TPRG1: variants seen among roughly 807,000 people sequenced by gnomAD.
The protein encoded by TPRG1 is tumor protein p63-regulated gene 1 protein.
A neutral mutation model predicts 29.3 loss-of-function variants in TPRG1; 29 were observed. That is an observed-to-expected ratio of 0.99 (90% CI 0.74 to 1.35). The LOEUF (loss-of-function observed/expected upper bound fraction) is 1.35, where lower values mean the gene tolerates loss of function less well. TPRG1 is among the 40% of genes most tolerant of loss of function. The pLI is 0.00. For missense variants in TPRG1, 327 were observed against 335.0 expected, an observed-to-expected ratio of 0.98 and a Z score of 0.19; for synonymous variants, 130 against 116.8, an observed-to-expected ratio of 1.11 and a Z score of -0.73.
intron 4 of TPRG1, among the ~76,000 whole-genome samples, chr3:189,294,565 C>T (rs551654292): frequency 5.6e-4 from 85 of 152,216 alleles, no homozygotes; most frequent in African/African-American, 1.9e-3. Flanking sequence ...CACTGTGTCC[C>T]CTTTAGAGAG....
At chr3:189,311,284 C>T (rs1031148471) in intron 5 of TPRG1, among the ~76,000 whole-genome samples, 1 of 152,118 alleles carries the variant, frequency 6.6e-6, no homozygotes, top group East Asian at 1.9e-4. Flanking sequence ...GCTTATAGAC[C>T]TAGAAATTCT....
Position 189,324,548 on chromosome 3 carries a change from G to A in TPRG1, c.*3728G>A, listed in dbSNP as rs563231321. On this transcript the variant is annotated 3_prime_UTR_variant, in exon 6 of 6. Transcript: ENST00000345063. The stretch of plus-strand genomic sequence containing the variant: ...GCTAAGGACACTTATAGAGCTCTCC[G>A]ATTTCCTATCTGATAAAAAAAGCCC... The A allele has an allele frequency of 1.4e-4, 21 of 152,202 alleles. No individual in the cohort carries two copies. Among genetic ancestry groups the A allele is most frequent in the South Asian group, 2.1e-4 (1 of 4,822 alleles). 9.4% of individuals were successfully genotyped at this position (152,202 alleles called of 1,614,324 possible). A position where few individuals can be genotyped will look rare whatever the true frequency, so the allele number is the denominator to read the frequency against.
chr3:189,001,239 A>G (rs1712003723), intron 2 of TPRG1, among the ~76,000 whole-genome samples: 1 of 152,200 alleles, frequency 6.6e-6, no homozygotes, highest in African/African-American at 2.4e-5. Context: ...AGCAAGAAAG[A>G]CAAACAACTA....
At chr3:189,193,510 T>G (rs1732043463) in intron 1 of TPRG1, among the ~76,000 whole-genome samples, 1 of 152,138 alleles carries the variant, frequency 6.6e-6, no homozygotes, top group Non-Finnish European at 1.5e-5. Flanking sequence ...TTCCATACAC[T>G]TTCCCTTCTC....
At position 189,300,854 on chromosome 3, in the gene TPRG1, G is replaced by A. The variant is rs114579366; in HGVS notation, c.480-9532G>A. On this transcript the variant is annotated intron_variant, in intron 4 of 5. Coordinates refer to ENST00000345063, the MANE Select transcript of TPRG1 (RefSeq NM_198485.4). ...CTAGTAGAGCTCATGGCTCTTGACCGGAAATCCAGGTCAGAGTTCTATCTC... is the reference window on the plus strand; with the variant it reads ...CTAGTAGAGCTCATGGCTCTTGACCAGAAATCCAGGTCAGAGTTCTATCTC... Among the ~76,000 whole-genome samples, 827 of 152,246 alleles carry A rather than the reference G, an allele frequency of 5.4e-3. 3 individuals are homozygous for A. Among genetic ancestry groups the A allele is most frequent in the Non-Finnish European group, 8.1e-3 (549 of 68,012 alleles).
chr3:189,084,694 A>C (rs1310760275), intron 4 of TPRG1, among the ~76,000 whole-genome samples: 7 of 152,126 alleles, frequency 4.6e-5, no homozygotes, highest in African/African-American at 1.7e-4. Context: ...TCCACCCTCC[A>C]CTTGGAACAC....
chr3:189,152,129 G>A (rs756789901), intron 5 of TPRG1, among the ~76,000 whole-genome samples: 1 of 152,002 alleles, frequency 6.6e-6, no homozygotes, highest in Non-Finnish European at 1.5e-5. Flanking sequence ...CCTTCCATGT[G>A]ACTCAACTAT....
intron 4 of TPRG1, among the ~76,000 whole-genome samples, chr3:189,092,051 C>A (rs1268053074): frequency 6.6e-6 from 1 of 152,138 alleles, no homozygotes; most frequent in Non-Finnish European, 1.5e-5. Flanking sequence ...GTAGTTTTGC[C>A]AGCAGGAGCT....
intron 4 of TPRG1, among the ~76,000 whole-genome samples, chr3:189,148,918 C>T (rs1192168791): frequency 6.6e-6 from 1 of 152,172 alleles, no homozygotes; most frequent in Admixed American, 6.5e-5. Context: ...CTGGAACATG[C>T]GGATGCCTTT....
chr3:189,228,100 A>G (rs4687032), intron 3 of TPRG1, among the ~76,000 whole-genome samples: 48,285 of 152,074 alleles, frequency 0.32, 8,380 homozygotes, highest in South Asian at 0.49. Context: ...CAGCCTGGGC[A>G]ACAGAGCGAG....
chr3:189,018,698 T>C (rs1343752237), intron 3 of TPRG1, among the ~76,000 whole-genome samples: 4 of 151,828 alleles, frequency 2.6e-5, no homozygotes, highest in African/African-American at 9.7e-5. Flanking sequence ...GGCTTAGGAT[T>C]GACTTGGCAT....
intron 3 of TPRG1, among the ~76,000 whole-genome samples, chr3:189,229,467 G>A (rs1001606250): frequency 7.9e-5 from 12 of 152,194 alleles, no homozygotes; most frequent in Admixed American, 2.0e-4. Context: ...AAATGATCTG[G>A]ATGAACAAAA....
At chr3:188,998,432 T>C (rs960547696) in intron 1 of TPRG1, among the ~76,000 whole-genome samples, 8 of 152,180 alleles carry the variant, frequency 5.3e-5, no homozygotes, top group Non-Finnish European at 1.5e-5. Flanking sequence ...GAAACACATA[T>C]GGTATGACTT....
intron 2 of TPRG1, among the ~76,000 whole-genome samples, chr3:189,001,594 A>G (rs745412834): frequency 6.6e-6 from 1 of 152,120 alleles, no homozygotes; most frequent in Admixed American, 6.6e-5. Flanking sequence ...CCAAAGTCCT[A>G]CCTCTTAATA....
At chr3:189,210,614 CCA>C (rs2108818632) in intron 2 of TPRG1, among the ~76,000 whole-genome samples, 1 of 152,296 alleles carries the variant, frequency 6.6e-6, no homozygotes, top group East Asian at 1.9e-4. Context: ...TTCTAGATTT[CCA>C]CAAAGTCTCT....
chr3:189,268,107 G>A (rs1348477950), intron 4 of TPRG1, among the ~76,000 whole-genome samples: 2 of 152,218 alleles, frequency 1.3e-5, no homozygotes, highest in Non-Finnish European at 1.5e-5. Context: ...AATTGCCTTG[G>A]AGCTTATGGA....
intron 3 of TPRG1, among the ~76,000 whole-genome samples, chr3:189,011,373 A>G (rs1712591810): frequency 1.3e-5 from 2 of 152,190 alleles, no homozygotes; most frequent in African/African-American, 4.8e-5. Flanking sequence ...TTTTCACGAT[A>G]TTGATTCCTT....
chr3:189,281,861 C>A (rs959519059), intron 4 of TPRG1, among the ~76,000 whole-genome samples: 4 of 152,026 alleles, frequency 2.6e-5, no homozygotes, highest in African/African-American at 9.7e-5. Flanking sequence ...TTGAAAGACA[C>A]CCACAAGAGG....
chr3:189,285,534 C>T (rs372904001), intron 4 of TPRG1, among the ~76,000 whole-genome samples: 2 of 152,154 alleles, frequency 1.3e-5, no homozygotes, highest in East Asian at 3.8e-4. Context: ...CTTACTGATA[C>T]CTTTCCAGAT....
Sources: gnomAD v4.1 joint callset for allele counts (sites outside exome capture counted in the v4.1 genomes callset) on GRCh38, gnomAD v4.1.1 for gene constraint, MANE v1.5 for transcripts, NCBI Gene and HGNC (gene_info 2026-07-23, HGNC 2026-07-21) for gene names.